SLC22A3: variants seen among roughly 807,000 people sequenced by gnomAD.
The protein encoded by SLC22A3 is solute carrier family 22 member 3, also known as EMT organic cation transporter 3.
Under a neutral mutation model 59.1 loss-of-function variants are expected in SLC22A3, and 51 were observed. The observed-to-expected ratio is 0.86, with a 90% confidence interval of 0.69 to 1.09. The LOEUF is 1.09. Ranked by LOEUF, SLC22A3 falls within the 50% of genes least tolerant of loss-of-function variation. The probability of loss-of-function intolerance (pLI) is 0.00; values close to 1 mark genes in which losing one functional copy is unlikely to be tolerated. For missense variants in SLC22A3, 711 were observed against 726.3 expected, an observed-to-expected ratio of 0.98 and a Z score of 0.24; for synonymous variants, 325 against 292.0, an observed-to-expected ratio of 1.11 and a Z score of -1.15.
chr6:160,441,382 C>T (rs6906930), intron 7 of SLC22A3, among the ~76,000 whole-genome samples: 3,516 of 152,218 alleles, frequency 0.023, 127 homozygotes, highest in African/African-American at 0.079. Context: ...GACAGTGGCC[C>T]AGCACATCAG....
intron 1 of SLC22A3, among the ~76,000 whole-genome samples, chr6:160,360,585 A>C (rs2114750538): frequency 6.6e-6 from 1 of 152,344 alleles, no homozygotes; most frequent in South Asian, 2.1e-4. Context: ...CAACTACTAG[A>C]AAAGCTTTAA....
At chr6:160,376,672 C>T (rs562584689) in intron 1 of SLC22A3, among the ~76,000 whole-genome samples, 80 of 152,166 alleles carry the variant, frequency 5.3e-4, no homozygotes, top group Non-Finnish European at 8.4e-4. Context: ...GCTGCTGCAT[C>T]GCTCTATGCT....
chr6:160,431,980 A>C (rs1788166426), intron 5 of SLC22A3, among the ~76,000 whole-genome samples: 1 of 152,168 alleles, frequency 6.6e-6, no homozygotes. Context: ...CACTCTGTTG[A>C]CAGGATAGCT....
intron 5 of SLC22A3, among the ~76,000 whole-genome samples, chr6:160,432,566 T>G (rs547186894): frequency 1.3e-5 from 2 of 152,112 alleles, no homozygotes; most frequent in African/African-American, 4.8e-5. Flanking sequence ...TAGCTGGGAT[T>G]ACAGATGCCC....
At chr6:160,391,566 A>T (rs1034152531) in intron 1 of SLC22A3, among the ~76,000 whole-genome samples, 1 of 152,208 alleles carries the variant, frequency 6.6e-6, no homozygotes, top group Non-Finnish European at 1.5e-5. Flanking sequence ...GGAGCGGCCA[A>T]GTCAAGACAT....
chr6:160,364,140 C>T (rs1282038165), intron 1 of SLC22A3, among the ~76,000 whole-genome samples: 1 of 152,038 alleles, frequency 6.6e-6, no homozygotes, highest in Non-Finnish European at 1.5e-5. Context: ...GATGAGGAAA[C>T]AATACCTATA....
intron 5 of SLC22A3, among the ~76,000 whole-genome samples, chr6:160,421,523 C>G (rs1787737985): frequency 6.6e-6 from 1 of 152,180 alleles, no homozygotes; most frequent in South Asian, 2.1e-4. Context: ...AAAGTCTTCC[C>G]CTTTCTACTC....
chr6:160,446,706 T>C (rs934909314), intron 9 of SLC22A3, among the ~76,000 whole-genome samples: 4 of 152,192 alleles, frequency 2.6e-5, no homozygotes, highest in African/African-American at 9.6e-5. Context: ...TTCAAGAATT[T>C]TGTAAGCCAG....
chr6:160,425,944 A>G, intron 5 of SLC22A3: 1 of 985,462 alleles, frequency 1.0e-6, no homozygotes, highest in Non-Finnish European at 1.2e-6. Flanking sequence ...GGCGTGTGCT[A>G]CTGGCTTATG....
chr6:160,412,046 T>G (rs1760978001), intron 5 of SLC22A3, among the ~76,000 whole-genome samples: 1 of 152,164 alleles, frequency 6.6e-6, no homozygotes, highest in Admixed American at 6.5e-5. Context: ...AGGAACCTTC[T>G]GATAAGAACG....
chr6:160,443,388 G>A (rs572414993), intron 8 of SLC22A3, among the ~76,000 whole-genome samples: 177 of 152,332 alleles, frequency 1.2e-3, no homozygotes, highest in Non-Finnish European at 1.7e-3. Flanking sequence ...GAGCAGGCAG[G>A]GCAGTGGGTT....
chr6:160,348,863 G>A lies in SLC22A3; in HGVS notation c.429+15G>A. ...TCGTCAGCGAGGTAAGGGCGCCCCG[G>A]CCCTTTGGAAGCCGGCGGGAGAGGA... On this transcript the variant is annotated intron_variant, in intron 1 of 10. Transcript: ENST00000275300. 1 of 1,569,164 alleles carries A rather than the reference G, an allele frequency of 6.4e-7. No homozygotes were observed. The highest frequency in any genetic ancestry group is 8.6e-7 in the Non-Finnish European group (1 of 1,165,816).
intron 1 of SLC22A3, among the ~76,000 whole-genome samples, chr6:160,349,285 C>T (rs1434604186): frequency 6.6e-6 from 1 of 152,144 alleles, no homozygotes; most frequent in Non-Finnish European, 1.5e-5. Context: ...CGCTTATGGT[C>T]TCCAGGGTCA....
chr6:160,448,559 G>A (rs1788834703), intron 10 of SLC22A3, among the ~76,000 whole-genome samples: 1 of 152,138 alleles, frequency 6.6e-6, no homozygotes, highest in Non-Finnish European at 1.5e-5. Flanking sequence ...AACATTAGTA[G>A]GAAGATAGAG....
chr6:160,402,789 AT>A (rs1271235060), intron 2 of SLC22A3, among the ~76,000 whole-genome samples: 4 of 151,818 alleles, frequency 2.6e-5, no homozygotes, highest in Non-Finnish European at 5.9e-5. Flanking sequence ...CAACACATCT[AT>A]AGTAACACAT....
In SLC22A3 at chr6:160,426,712, G is replaced by C. The variant is rs1287347240; in HGVS notation, c.976-10068G>C. Among the ~76,000 whole-genome samples the C allele has an allele frequency of 2.0e-5, 3 of 152,224 alleles. No individual in the cohort carries two copies. The South Asian group carries it at 6.2e-4, about 32-fold the overall frequency. On this transcript the variant is annotated intron_variant, in intron 5 of 10. Coordinates refer to ENST00000275300, the MANE Select transcript of SLC22A3 (RefSeq NM_021977.4). ...TTAGGCCATACCTGCTGTGTCTCTG[G>C]TCTCCATCTTCCTAATGATGGGCAC...
At chr6:160,394,563 G>C (rs979456091) in intron 1 of SLC22A3, among the ~76,000 whole-genome samples, 1 of 152,244 alleles carries the variant, frequency 6.6e-6, no homozygotes, top group East Asian at 1.9e-4. Flanking sequence ...ACACAAGCGT[G>C]TGTGGATGTG....
intron 1 of SLC22A3, among the ~76,000 whole-genome samples, chr6:160,388,351 C>T (rs1052846220): frequency 6.6e-6 from 1 of 152,126 alleles, no homozygotes; most frequent in Non-Finnish European, 1.5e-5. Context: ...CGTGAGTGTG[C>T]ATCAGAATCC....
At chr6:160,349,149 G>A (rs1317223298) in intron 1 of SLC22A3, 1 of 856,916 alleles carries the variant, frequency 1.2e-6, no homozygotes, top group South Asian at 5.3e-5. Context: ...GCCTGCTCAG[G>A]AGTCAAAGAC....
Sources: gnomAD v4.1 joint callset for allele counts (sites outside exome capture counted in the v4.1 genomes callset) on GRCh38, gnomAD v4.1.1 for gene constraint, MANE v1.5 for transcripts, NCBI Gene and HGNC (gene_info 2026-07-23, HGNC 2026-07-21) for gene names.